NOL8: variants seen among roughly 807,000 people sequenced by gnomAD.
The protein encoded by NOL8 is nucleolar protein 8, also known as nucleolar protein Nop132.
Under a neutral mutation model 116.1 loss-of-function variants are expected in NOL8, and 93 were observed. That is an observed-to-expected ratio of 0.80 (90% confidence interval 0.68 to 0.95). NOL8 has a LOEUF of 0.95. Ranked by LOEUF, NOL8 falls within the 40% of genes least tolerant of loss-of-function variation. The pLI, the probability that NOL8 is intolerant of heterozygous loss-of-function variation, is 0.00. For missense variants in NOL8, 1,291 were observed against 1,382.8 expected (o/e 0.93, Z 1.05); for synonymous variants, 419 against 469.0 (o/e 0.89, Z 1.38).
intron 10 of NOL8, among the ~76,000 whole-genome samples, chr9:92,307,353 G>C (rs954330333): frequency 1.3e-5 from 2 of 152,046 alleles, no homozygotes; most frequent in African/African-American, 4.8e-5. Context: ...AGTGATTATA[G>C]ACTCTTTGAT....
chr9:92,305,155 G>A (rs2134096636), intron 12 of NOL8, among the ~76,000 whole-genome samples: 1 of 152,200 alleles, frequency 6.6e-6, no homozygotes, highest in South Asian at 2.1e-4. Context: ...CTAGGATGAG[G>A]AGCCCATCCA....
chr9:92,320,036 A>G, intron 4 of NOL8: 1 of 455,774 alleles, frequency 2.2e-6, no homozygotes, highest in East Asian at 6.9e-5. Flanking sequence ...TTCAATTTAT[A>G]TACGTTTGGC....
intron 12 of NOL8, among the ~76,000 whole-genome samples, chr9:92,304,420 A>C (rs1363180391): frequency 6.6e-6 from 1 of 152,200 alleles, no homozygotes; most frequent in African/African-American, 2.4e-5. Flanking sequence ...AACTGCACTC[A>C]AGGTACTGTA....
chr9:92,302,777 A>G (rs1290367579), intron 12 of NOL8, among the ~76,000 whole-genome samples: 1 of 152,240 alleles, frequency 6.6e-6, no homozygotes, highest in Non-Finnish European at 1.5e-5. Flanking sequence ...AGTAAGCCAA[A>G]TGGGATGACA....
At position 92,298,876 on chromosome 9, in the gene NOL8, G is replaced by T; in HGVS notation, c.3373+8C>A. Reference sequence around the variant, plus strand: ...ATGTATGTAATTTGATGAAAAAAATGGACTGACCTTGAAGTCGTTCATCAT... The same window carrying T: ...ATGTATGTAATTTGATGAAAAAAATTGACTGACCTTGAAGTCGTTCATCAT... On this transcript the variant is annotated splice_region_variant and intron_variant, in intron 15 of 16. Coordinates refer to ENST00000442668, the MANE Select transcript of NOL8 (RefSeq NM_017948.6). The T allele has an allele frequency of 1.3e-6, 2 of 1,491,126 alleles. No individual in the cohort carries two copies. The highest frequency in any genetic ancestry group is 1.8e-6 in the Non-Finnish European group (2 of 1,104,950). The allele number at this position is 1,491,126 out of a possible 1,614,324, so 92.4% of individuals were successfully genotyped here.
chr9:92,309,192 CTG>C (rs774526431), intron 10 of NOL8, among the ~76,000 whole-genome samples: 2 of 152,146 alleles, frequency 1.3e-5, no homozygotes, highest in African/African-American at 2.4e-5. Context: ...CAGTCCAACA[CTG>C]TTAATAATCA....
At chr9:92,319,588 T>C (rs184067234) in intron 4 of NOL8, among the ~76,000 whole-genome samples, 1 of 152,306 alleles carries the variant, frequency 6.6e-6, no homozygotes, top group Admixed American at 6.5e-5. Context: ...ACAAAACATA[T>C]TCCTTATCCC....
rs1371080054 is a variant in NOL8, at chr9:92,315,497, A to C, written c.1128T>G (p.Tyr376Ter). Reference sequence around the variant, plus strand: ...TAATTTCATCTGTATCTCCTGAGTCATACTCACGATCATTTCTCATAATAT... The same window carrying C: ...TAATTTCATCTGTATCTCCTGAGTCCTACTCACGATCATTTCTCATAATAT... ...DDDIMRNDRE[Y>*]DSGDTDEIIA... The change falls in exon 7 of 17, where the codon TAT (tyrosine) becomes TAG (stop). Residue 376 changes from tyrosine to a stop codon, truncating the protein, a stop_gained. Coordinates refer to ENST00000442668, the MANE Select transcript of NOL8 (RefSeq NM_017948.6). LOFTEE classifies it high-confidence loss of function. The C allele has an allele frequency of 2.5e-6, 4 of 1,609,216 alleles. No homozygotes were observed. In the East Asian group the frequency reaches 8.9e-5, roughly 36 times the overall value.
In NOL8 at chr9:92,318,688, T is replaced by C. The variant is rs1554745543; in HGVS notation, c.418-2A>G. The C allele has an allele frequency of 6.4e-7, 1 of 1,565,712 alleles. No individual in the cohort carries two copies. The highest frequency in any genetic ancestry group is 1.2e-5 in the South Asian group (1 of 83,212). ...TCCAAATTTGCTCACAACCCAATTC[T>C]AAAAGAAAAAAAAAGAATTTATTTA... On this transcript the variant is annotated splice_acceptor_variant, in intron 5 of 16. Coordinates refer to ENST00000442668, the MANE Select transcript of NOL8 (RefSeq NM_017948.6). LOFTEE classifies it high-confidence loss of function.
At chr9:92,310,457 T>C in intron 9 of NOL8, 96 bp downstream of exon 9, 1 of 1,377,598 alleles carries the variant, frequency 7.3e-7, no homozygotes, top group South Asian at 1.4e-5. Context: ...GATGCTATAA[T>C]GTAGGTTAAG....
intron 6 of NOL8, among the ~76,000 whole-genome samples, 159 bp downstream of exon 6, chr9:92,318,459 A>G (rs1460189090): frequency 6.6e-6 from 1 of 152,166 alleles, no homozygotes; most frequent in African/African-American, 2.4e-5. Context: ...CCATTTTCTC[A>G]TGCTCTAATT....
chr9:92,305,871 A>C, intron 11 of NOL8, 41 bp from the exon 12 acceptor site: 1 of 1,361,478 alleles, frequency 7.3e-7, no homozygotes, highest in Non-Finnish European at 1.0e-6. Context: ...AGATAAAAAC[A>C]GAACACTAAT....
rs1838642353 is a variant in NOL8, at chr9:92,310,193, A to T, written c.2664T>A (p.Thr888=). The change falls in exon 10 of 17, where the codon ACT becomes ACA. Residue 888 remains threonine (T), a synonymous_variant. Coordinates refer to ENST00000442668, the MANE Select transcript of NOL8 (RefSeq NM_017948.6). ...RFRMDSRFLE[T]DSEEEQEEVN... The stretch of plus-strand genomic sequence containing the variant: ...TACCTTCCTGTTCCTCTTCACTGTC[A>T]GTTTCTAGAAATCGAGAGTCCATGC... The T allele has an allele frequency of 6.2e-7, 1 of 1,608,718 alleles. No homozygotes were observed. Among genetic ancestry groups the T allele is most frequent in the Non-Finnish European group, 8.5e-7 (1 of 1,177,648 alleles).
intron 11 of NOL8, among the ~76,000 whole-genome samples, chr9:92,306,309 ACT>A (rs1439510900): frequency 1.3e-5 from 2 of 152,194 alleles, no homozygotes; most frequent in Non-Finnish European, 2.9e-5. Flanking sequence ...AATATTTTAA[ACT>A]ACCTACTTTT....
At chr9:92,298,523 T>C in intron 15 of NOL8, 187 bp from the exon 16 acceptor site, 1 of 531,880 alleles carries the variant, frequency 1.9e-6, no homozygotes, top group Non-Finnish European at 3.3e-6. Context: ...TTTTACTGTT[T>C]ATATATATCA....
At chr9:92,322,128 A>G (rs932390351) in intron 3 of NOL8, among the ~76,000 whole-genome samples, 7 of 152,218 alleles carry the variant, frequency 4.6e-5, no homozygotes, top group African/African-American at 1.4e-4. Context: ...GTAACTATAA[A>G]ACAATCATCT....
intron 6 of NOL8, among the ~76,000 whole-genome samples, chr9:92,317,238 G>A (rs540004110): frequency 2.0e-5 from 3 of 152,342 alleles, no homozygotes; most frequent in African/African-American, 7.2e-5. Flanking sequence ...GGGATTACAG[G>A]TGTGAGCCAC....
At chr9:92,297,989 C>T (rs927033750) in intron 16 of NOL8, 103 bp from the exon 17 acceptor site, 4 of 1,032,036 alleles carry the variant, frequency 3.9e-6, no homozygotes, top group Admixed American at 2.9e-5. Flanking sequence ...GCTGTGGAAA[C>T]CTATTTTGAA....
rs773250037 is a variant in NOL8, at chr9:92,314,767, C to T, written c.1858G>A (p.Val620Ile). The change falls in exon 7 of 17, where the codon GTT becomes ATT. Residue 620 changes from valine to isoleucine, a missense_variant. Coordinates refer to ENST00000442668, the MANE Select transcript of NOL8 (RefSeq NM_017948.6). ...IISMEDGSPY[V>I]NGSLGEVTPC... ...GTCACTTCACCTAATGAGCCATTAA[C>T]ATATGGGGACCCATCTTCCATGGAT... 1 of 1,613,848 alleles carries T rather than the reference C, an allele frequency of 6.2e-7. No individual in the cohort carries two copies. Among genetic ancestry groups the T allele is most frequent in the Non-Finnish European group, 8.5e-7 (1 of 1,179,872 alleles).
Sources: allele counts gnomAD v4.1 joint callset (sites outside exome capture counted in the v4.1 genomes callset), GRCh38; gene constraint gnomAD v4.1.1; transcripts MANE v1.5; gene names NCBI Gene and HGNC (gene_info 2026-07-23, HGNC 2026-07-21).